The following YAP1 variants were observed in gnomAD, a reference collection of about 807,000 sequenced individuals.
YAP1 encodes the protein transcriptional coactivator YAP1.
In YAP1, 5 loss-of-function variants were observed where a neutral mutation model predicts 56.9. The observed-to-expected ratio is 0.09, with a 90% CI of 0.05 to 0.18. The LOEUF (loss-of-function observed/expected upper bound fraction) is 0.18. Ranked by LOEUF, YAP1 falls within the 10% of genes least tolerant of loss-of-function variation. YAP1 has a pLI of 1.00. For missense variants in YAP1, 539 were observed against 651.8 expected, an observed-to-expected ratio of 0.83 and a Z score of 1.88; for synonymous variants, 265 against 248.1, an observed-to-expected ratio of 1.07 and a Z score of -0.64.
intron 2 of YAP1, among the ~76,000 whole-genome samples, chr11:102,117,829 C>T (rs1355303276): frequency 1.3e-5 from 2 of 152,302 alleles, no homozygotes; most frequent in African/African-American, 4.8e-5. Context: ...TCTTTACCAT[C>T]GTATTGAGCT....
At chr11:102,213,790 T>G (rs1414347611) in intron 6 of YAP1, among the ~76,000 whole-genome samples, 1 of 152,188 alleles carries the variant, frequency 6.6e-6, no homozygotes, top group Non-Finnish European at 1.5e-5. Context: ...TTATGAGAAT[T>G]CTTGAGGCAG....
chr11:102,140,473 G>A (rs781046713), intron 2 of YAP1, among the ~76,000 whole-genome samples: 26 of 152,186 alleles, frequency 1.7e-4, no homozygotes, highest in Non-Finnish European at 3.4e-4. Flanking sequence ...ACAAAACTAC[G>A]CATGATAGCA....
chr11:102,133,346 G>A (rs539752334), intron 2 of YAP1, among the ~76,000 whole-genome samples: 50 of 152,096 alleles, frequency 3.3e-4, no homozygotes, highest in Non-Finnish European at 6.0e-4. Context: ...CCCCAGGGAT[G>A]GAGTACAGTG....
At chr11:102,182,434 C>G (rs752024219) in intron 3 of YAP1, among the ~76,000 whole-genome samples, 3 of 152,292 alleles carry the variant, frequency 2.0e-5, no homozygotes, top group Non-Finnish European at 2.9e-5. Context: ...GATTGAAACA[C>G]ATTTTCACTA....
chr11:102,163,858 A>AC (rs1468946720), intron 3 of YAP1, among the ~76,000 whole-genome samples: 1 of 152,130 alleles, frequency 6.6e-6, no homozygotes, highest in African/African-American at 2.4e-5. Flanking sequence ...GGTGGGTTGA[A>AC]CATTTGAGTT....
At chr11:102,183,739 T>TGTGTGTGTGTGTGTGTGTGTGTGTGTG (rs1565241068) in intron 3 of YAP1, among the ~76,000 whole-genome samples, 7 of 150,646 alleles carry the variant, frequency 4.6e-5, no homozygotes, top group African/African-American at 1.5e-4. Context: ...TGTGTGTGTG[T>TGTGTGTGTGTGTGTGTGTGTGTGTGTG]TTAAACCACA....
intron 5 of YAP1, among the ~76,000 whole-genome samples, chr11:102,207,299 A>T (rs1355126423): frequency 2.6e-5 from 4 of 151,414 alleles, no homozygotes; most frequent in Non-Finnish European, 5.9e-5. Context: ...TTTTTTGTTA[A>T]TTTTTCCAGA....
intron 2 of YAP1, among the ~76,000 whole-genome samples, chr11:102,140,730 C>A (rs1944970709): frequency 6.6e-6 from 1 of 151,990 alleles, no homozygotes; most frequent in Non-Finnish European, 1.5e-5. Flanking sequence ...GTAATCCTAG[C>A]TACTTGGGAG....
intron 4 of YAP1, among the ~76,000 whole-genome samples, chr11:102,186,931 A>C (rs1470828176): frequency 6.6e-6 from 1 of 151,826 alleles, no homozygotes; most frequent in East Asian, 1.9e-4. Flanking sequence ...AGAGCAGATA[A>C]TTGTGGTTTT....
intron 2 of YAP1, among the ~76,000 whole-genome samples, chr11:102,121,372 C>T (rs985549104): frequency 2.0e-5 from 3 of 150,094 alleles, no homozygotes; most frequent in Admixed American, 6.7e-5. Context: ...CCTGGGAAGT[C>T]GAGGCTGCAG....
intron 1 of YAP1, 22 bp downstream of exon 1, chr11:102,111,191 C>G: frequency 6.2e-7 from 1 of 1,609,776 alleles, no homozygotes; most frequent in Non-Finnish European, 8.5e-7. Flanking sequence ...GCCCCTCTCC[C>G]CGTTTCCCCG....
chr11:102,147,168 A>G (rs1417431093), intron 2 of YAP1, among the ~76,000 whole-genome samples: 1 of 152,196 alleles, frequency 6.6e-6, no homozygotes, highest in Non-Finnish European at 1.5e-5. Flanking sequence ...ACCAAAGTCC[A>G]CGTAACCACT....
At chr11:102,208,490 C>T (rs1949232817) in intron 5 of YAP1, among the ~76,000 whole-genome samples, 1 of 151,998 alleles carries the variant, frequency 6.6e-6, no homozygotes, top group African/African-American at 2.4e-5. Context: ...GTTTCTTTAT[C>T]TGACATAAAA....
chr11:102,160,719 C>G (rs1002362808), intron 2 of YAP1, among the ~76,000 whole-genome samples: 1 of 152,104 alleles, frequency 6.6e-6, no homozygotes, highest in Admixed American at 6.5e-5. Flanking sequence ...GCCAGTAGTA[C>G]GAGAATTTGC....
Position 102,114,287 on chromosome 11 carries a change from C to G in YAP1, c.465C>G (p.Pro155=), listed in dbSNP as rs143682472. ...TAGTCTCTGGCCCAGCAGCTACACC[C>G]ACAGCTCAGCATCTTCGACAGTCTT... is the stretch of plus-strand genomic sequence containing the variant. The part of the protein sequence containing the change: ...TGVVSGPAAT[P]TAQHLRQSSF... The change falls in exon 2 of 9, where the codon CCC becomes CCG. Residue 155 remains proline, a synonymous_variant. Coordinates refer to ENST00000282441, the MANE Select transcript of YAP1 (RefSeq NM_001130145.3). 8.6e-4 allele frequency: 1,393 copies of G among 1,614,154 alleles called. 12 individuals carry two copies. The highest frequency in any genetic ancestry group is 5.4e-3 in the Middle Eastern group (33 of 6,062).
chr11:102,161,345 T>TACAC (rs34552492), intron 2 of YAP1, among the ~76,000 whole-genome samples: 7,116 of 141,162 alleles, frequency 0.05, 176 homozygotes, highest in African/African-American at 0.068. Context: ...GTACTTTCAC[T>TACAC]ACACACACAC....
intron 2 of YAP1, among the ~76,000 whole-genome samples, chr11:102,134,289 TATC>T (rs1334358108): frequency 6.6e-6 from 1 of 152,088 alleles, no homozygotes; most frequent in Admixed American, 6.5e-5. Flanking sequence ...AGTACCTTAT[TATC>T]ATACTTAATC....
At chr11:102,187,121 G>T (rs1270421808) in intron 4 of YAP1, among the ~76,000 whole-genome samples, 2 of 152,020 alleles carry the variant, frequency 1.3e-5, no homozygotes, top group African/African-American at 4.8e-5. Flanking sequence ...CAACCCTGCG[G>T]GGGGAAAAAA....
intron 3 of YAP1, among the ~76,000 whole-genome samples, chr11:102,165,913 G>A (rs1050357410): frequency 3.3e-5 from 5 of 152,194 alleles, no homozygotes; most frequent in Non-Finnish European, 7.3e-5. Context: ...TCCAGAAGGT[G>A]ATGGGTGTGG....
Sources: gnomAD v4.1 joint callset for allele counts (sites outside exome capture counted in the v4.1 genomes callset) on GRCh38, gnomAD v4.1.1 for gene constraint, MANE v1.5 for transcripts, NCBI Gene and HGNC (gene_info 2026-07-23, HGNC 2026-07-21) for gene names.